FGF2: variants seen among roughly 807,000 people sequenced by gnomAD.
The protein encoded by FGF2 is fibroblast growth factor 2.
FGF2 carries 13 observed loss-of-function variants against 15.9 expected under a neutral mutation model. The ratio of observed to expected loss-of-function variants is 0.82; its 90% CI spans 0.53 to 1.30. The LOEUF (loss-of-function observed/expected upper bound fraction) is 1.30. FGF2 is among the 50% of genes most tolerant of loss of function. The probability of loss-of-function intolerance (pLI) is 0.00; values close to 1 mark genes in which losing one functional copy is unlikely to be tolerated. For synonymous variants in FGF2, 90 were observed against 78.4 expected, an observed-to-expected ratio of 1.15 and a Z score of -0.78; for missense variants, 163 against 196.9, an observed-to-expected ratio of 0.83 and a Z score of 1.03.
At chr4:122,831,177 C>G (rs1348775248) in intron 1 of FGF2, among the ~76,000 whole-genome samples, 1 of 152,186 alleles carries the variant, frequency 6.6e-6, no homozygotes. Flanking sequence ...TGGGTTTCCT[C>G]TTTTTTTATC....
chr4:122,867,065 G>A (rs1312694822), intron 1 of FGF2, among the ~76,000 whole-genome samples: 1 of 152,184 alleles, frequency 6.6e-6, no homozygotes, highest in Non-Finnish European at 1.5e-5. Context: ...GAGTGAAAGA[G>A]GCAGTCACAT....
intron 1 of FGF2, among the ~76,000 whole-genome samples, chr4:122,838,040 A>G (rs1490919559): frequency 6.6e-6 from 1 of 152,200 alleles, no homozygotes; most frequent in Non-Finnish European, 1.5e-5. Flanking sequence ...GATTGGGAAG[A>G]TAATTTTGTT....
chr4:122,843,857 G>T (rs1726047018), intron 1 of FGF2, among the ~76,000 whole-genome samples: 1 of 152,196 alleles, frequency 6.6e-6, no homozygotes, highest in African/African-American at 2.4e-5. Flanking sequence ...AAATGCTAAT[G>T]ATCATCTGAG....
In FGF2 at chr4:122,896,345, A is replaced by G. The variant is rs1389443923; in HGVS notation, c.*3949A>G. 4 of 152,632 alleles carry G rather than the reference A, an allele frequency of 2.6e-5. No individual in the cohort carries two copies. Among genetic ancestry groups the G allele is most frequent in the Admixed American group, 6.5e-5 (1 of 15,278 alleles). 9.5% of individuals were successfully genotyped at this position (152,632 alleles called of 1,614,324 possible). ...AGTACAGCTGAAATTCAGAGGACCC[A>G]TAAGAGTTCACATGAAAAAAATCAA... is the stretch of plus-strand genomic sequence containing the variant. On this transcript the variant is annotated 3_prime_UTR_variant, in exon 3 of 3. Coordinates refer to ENST00000644866, the MANE Select transcript of FGF2 (RefSeq NM_001361665.2).
chr4:122,854,040 G>C (rs553868605), intron 1 of FGF2, among the ~76,000 whole-genome samples: 1 of 152,104 alleles, frequency 6.6e-6, no homozygotes, highest in Admixed American at 6.6e-5. Context: ...CACAATGAGA[G>C]TACCTGTTTC....
chr4:122,832,261 CTTTTTT>C (rs961798653), intron 1 of FGF2, among the ~76,000 whole-genome samples: 2 of 152,080 alleles, frequency 1.3e-5, no homozygotes, highest in African/African-American at 2.4e-5. Flanking sequence ...ATATCTTTTT[CTTTTTT>C]TCTTTTTGAG....
intron 1 of FGF2, among the ~76,000 whole-genome samples, chr4:122,850,666 G>A (rs571356478): frequency 6.6e-6 from 1 of 152,270 alleles, no homozygotes; most frequent in African/African-American, 2.4e-5. Flanking sequence ...GAAGATTTAG[G>A]TTGAAACAGA....
chr4:122,883,815 CAGTATT>C (rs1373364933), intron 2 of FGF2, among the ~76,000 whole-genome samples: 2 of 152,004 alleles, frequency 1.3e-5, no homozygotes, highest in African/African-American at 4.8e-5. Flanking sequence ...ATTAATATCT[CAGTATT>C]AGAATGTAAT....
Position 122,843,441 on chromosome 4 carries a change from A to C in FGF2, c.178+16089A>C, listed in dbSNP as rs569129753. 3.9e-5 allele frequency among the ~76,000 whole-genome samples: 6 copies of C among 152,338 alleles called. No individual in the cohort carries two copies. The East Asian group carries it at 1.2e-3, about 29-fold the overall frequency. ...TTTATCCTAGAAGTGGTGGGGAGTC[A>C]ATGGAGGGTTTTAATCAGAGAATAA... On this transcript the variant is annotated intron_variant, in intron 1 of 2. Coordinates refer to ENST00000644866, the MANE Select transcript of FGF2 (RefSeq NM_001361665.2).
intron 1 of FGF2, among the ~76,000 whole-genome samples, chr4:122,852,103 T>G (rs376103130): frequency 2.0e-5 from 3 of 152,330 alleles, no homozygotes; most frequent in African/African-American, 4.8e-5. Flanking sequence ...TGTCTATTGC[T>G]GTGTAACAAA....
intron 1 of FGF2, among the ~76,000 whole-genome samples, chr4:122,841,323 T>A (rs2150766180): frequency 6.6e-6 from 1 of 152,318 alleles, no homozygotes; most frequent in African/African-American, 2.4e-5. Flanking sequence ...CCCCAGAAAA[T>A]GTGCTGACCC....
intron 1 of FGF2, among the ~76,000 whole-genome samples, chr4:122,830,890 T>C (rs1725752548): frequency 7.0e-6 from 1 of 143,550 alleles, no homozygotes; most frequent in Admixed American, 7.2e-5. Context: ...TCCCAGGAGG[T>C]GACTGCCTGT....
At chr4:122,891,497 C>A (rs1241307246) in intron 2 of FGF2, among the ~76,000 whole-genome samples, 1 of 150,790 alleles carries the variant, frequency 6.6e-6, no homozygotes, top group African/African-American at 2.4e-5. Context: ...AAAGAGACTG[C>A]CAGAAATCAG....
intron 1 of FGF2, among the ~76,000 whole-genome samples, chr4:122,853,907 A>C (rs575067937): frequency 7.9e-5 from 12 of 152,234 alleles, no homozygotes; most frequent in Non-Finnish European, 1.3e-4. Flanking sequence ...AGAGATGCAG[A>C]ATGCAGTTTT....
Position 122,897,628 on chromosome 4 carries a change from A to G in FGF2, c.*5232A>G. 1.2e-6 allele frequency: 2 copies of G among 1,600,796 alleles called. No individual in the cohort carries two copies. Among genetic ancestry groups the G allele is most frequent in the Non-Finnish European group, 1.7e-6 (2 of 1,167,960 alleles). On this transcript the variant is annotated 3_prime_UTR_variant, in exon 3 of 3. Transcript: ENST00000644866. ...AAAAATATAAAAGATACACACCAATATCTTCTTCAGGCTCTGACAGGCCTC... is the reference window on the plus strand; with the variant it reads ...AAAAATATAAAAGATACACACCAATGTCTTCTTCAGGCTCTGACAGGCCTC...
chr4:122,845,386 A>G (rs1726089099), intron 1 of FGF2, among the ~76,000 whole-genome samples: 1 of 152,166 alleles, frequency 6.6e-6, no homozygotes, highest in African/African-American at 2.4e-5. Flanking sequence ...TTAGCCTCTA[A>G]CAAGAGAGTC....
intron 1 of FGF2, among the ~76,000 whole-genome samples, chr4:122,875,801 C>T (rs189580321): frequency 2.9e-4 from 44 of 152,206 alleles, no homozygotes; most frequent in African/African-American, 1.0e-3. Flanking sequence ...AGAGAGACTC[C>T]GTCTCAAAAA....
rs1394246865 is a variant in FGF2, at chr4:122,894,134, C to A, written c.*1738C>A. The stretch of plus-strand genomic sequence containing the variant: ...CTGTCTTACCCATCCCCTGGATATG[C>A]TCTTGTTTTTTCCCTCTAATAGCTA... On this transcript the variant is annotated 3_prime_UTR_variant, in exon 3 of 3. Coordinates refer to ENST00000644866, the MANE Select transcript of FGF2 (RefSeq NM_001361665.2). The A allele has an allele frequency of 6.6e-6, 1 of 152,192 alleles. No individual in the cohort carries two copies. The highest frequency in any genetic ancestry group is 1.5e-5 in the Non-Finnish European group (1 of 68,034). The allele number at this position is 152,192 out of a possible 1,614,324, so 9.4% of individuals were successfully genotyped here.
chr4:122,864,734 C>T (rs913635626), intron 1 of FGF2, among the ~76,000 whole-genome samples: 1 of 152,072 alleles, frequency 6.6e-6, no homozygotes, highest in African/African-American at 2.4e-5. Flanking sequence ...TTTAACAATG[C>T]TAACATTGTT....
Sources: gnomAD v4.1 joint callset for allele counts (sites outside exome capture counted in the v4.1 genomes callset) on GRCh38, gnomAD v4.1.1 for gene constraint, MANE v1.5 for transcripts, NCBI Gene and HGNC (gene_info 2026-07-23, HGNC 2026-07-21) for gene names.